KRT80: variants seen among roughly 807,000 people sequenced by gnomAD.
KRT80 encodes keratin, type II cytoskeletal 80.
Under a neutral mutation model 51.5 loss-of-function variants are expected in KRT80, and 36 were observed. That is an observed-to-expected ratio of 0.70 (90% CI 0.54 to 0.92). KRT80 has a LOEUF of 0.92. KRT80 is among the 40% of genes least tolerant of loss of function. The pLI, the probability that KRT80 is intolerant of heterozygous loss-of-function variation, is 0.00. For missense variants in KRT80, 566 were observed against 591.7 expected (o/e 0.96, Z 0.45); for synonymous variants, 235 against 248.3 (o/e 0.95, Z 0.50).
chr12:52,187,401 A>G (rs1039776822), intron 1 of KRT80, among the ~76,000 whole-genome samples: 4 of 152,022 alleles, frequency 2.6e-5, no homozygotes, highest in African/African-American at 9.7e-5. Flanking sequence ...TCACAAAGCA[A>G]CTCGGTGGCC....
chr12:52,189,675 TGGGGCCCCTTGGGGCCCTGCAACC>T (rs1565700447), intron 1 of KRT80, among the ~76,000 whole-genome samples: 1 of 152,180 alleles, frequency 6.6e-6, no homozygotes, highest in African/African-American at 2.4e-5. Context: ...AAGGGTCAGC[TGGGGCCCCTTGGGGCCCTGCAACC>T]AGGGCCCCCA....
chr12:52,190,015 C>G (rs1043554250), intron 1 of KRT80, among the ~76,000 whole-genome samples: 5 of 152,208 alleles, frequency 3.3e-5, no homozygotes, highest in African/African-American at 9.6e-5. Flanking sequence ...CAGGAGGTGG[C>G]TCTTTAGGGA....
rs1251345042 is a variant in KRT80 at position 52,191,973 on chromosome 12, G to GGCTCTGGTT, written c.-80_-72dup. ...GAGCCTGGGGTTGCGTCGGGTGGCA[G>GGCTCTGGTT]GCTCTGGTTGCTCTGGTCACAGCTG... On this transcript the variant is annotated 5_prime_UTR_variant, in exon 1 of 9. Transcript: ENST00000394815. The GGCTCTGGTT allele has an allele frequency of 7.4e-7, 1 of 1,349,314 alleles. No homozygotes were observed. The highest frequency in any genetic ancestry group is 2.9e-5 in the Admixed American group (1 of 34,528). The allele number at this position is 1,349,314 out of a possible 1,614,324, so 83.6% of individuals were successfully genotyped here.
chr12:52,190,052 C>T (rs1010831291), intron 1 of KRT80, among the ~76,000 whole-genome samples: 7 of 152,218 alleles, frequency 4.6e-5, no homozygotes, highest in African/African-American at 1.4e-4. Context: ...AGCTGGGCTG[C>T]TCTTAGAGGG....
At chr12:52,185,718 C>G in intron 1 of KRT80, 131 bp from the exon 2 acceptor site, 2 of 1,517,804 alleles carry the variant, frequency 1.3e-6, no homozygotes, top group Non-Finnish European at 1.8e-6. Context: ...CCACCCAGGG[C>G]GCTCACTCAG....
intron 4 of KRT80, among the ~76,000 whole-genome samples, chr12:52,174,432 C>A (rs1277649681): frequency 2.6e-5 from 4 of 152,248 alleles, no homozygotes; most frequent in Non-Finnish European, 5.9e-5. Context: ...ACTTCAGGGT[C>A]CCCCTGGAGA....
At position 52,181,162 on chromosome 12, in the gene KRT80, C is replaced by A. The variant is rs575328409; in HGVS notation, c.510-199G>T. 3.1e-4 allele frequency among the ~76,000 whole-genome samples: 47 copies of A among 152,212 alleles called. 1 individual carries two copies. The Middle Eastern group carries it at 0.01, about 33-fold the overall frequency. ...TCCCCCCGACCTCCTGGCATTGGCT[C>A]CCCGTTCCTCACTCCCTCCTGATGA... is the stretch of plus-strand genomic sequence containing the variant. On this transcript the variant is annotated intron_variant, in intron 2 of 8. Coordinates refer to ENST00000394815, the MANE Select transcript of KRT80 (RefSeq NM_182507.3).
intron 1 of KRT80, among the ~76,000 whole-genome samples, chr12:52,188,546 TG>T (rs1445237163): frequency 6.6e-6 from 1 of 152,204 alleles, no homozygotes; most frequent in African/African-American, 2.4e-5. Context: ...AGCCAGACAT[TG>T]GCTTTAGCCA....
chr12:52,191,806 T>C lies in KRT80; in HGVS notation c.97A>G (p.Ser33Gly). The C allele has an allele frequency of 6.2e-7, 1 of 1,606,294 alleles. No individual in the cohort carries two copies. The highest frequency in any genetic ancestry group is 8.5e-7 in the Non-Finnish European group (1 of 1,176,302). The change falls in exon 1 of 9, where the codon AGC becomes GGC. Residue 33 changes from serine to glycine, a missense_variant. Transcript: ENST00000394815. ...AAGCCCGGCCCGGGGGCCCTGCAGC[T>C]GTCCCATCCTGAGGTTCCAGGCCGG... ...SPRPGTSGWD[S>G]CRAPGPGFSS... is the part of the protein sequence containing the mutation.
At chr12:52,187,193 GA>G (rs1941420075) in intron 1 of KRT80, among the ~76,000 whole-genome samples, 2 of 152,234 alleles carry the variant, frequency 1.3e-5, no homozygotes, top group Admixed American at 6.5e-5. Context: ...AGGATGTTTT[GA>G]TAACCAGCCC....
chr12:52,181,324 C>T (rs1941317598), intron 2 of KRT80, among the ~76,000 whole-genome samples: 1 of 152,296 alleles, frequency 6.6e-6, no homozygotes, highest in Non-Finnish European at 1.5e-5. Context: ...CCTTCCCTGG[C>T]AATCTCAGGT....
chr12:52,191,711 C>T lies in KRT80; in HGVS notation c.192G>A (p.Leu64=), dbSNP rs142972633. ...TISKVTVNPG[L]LVPLDVKLDP... ...CCAACTTGACATCCAGGGGCACCAG[C>T]AGGCCGGGGTTCACAGTCACCTTGG... Residue 64 remains leucine (L), a synonymous_variant, in exon 1 of 9, where the codon CTG becomes CTA. Coordinates refer to ENST00000394815, the MANE Select transcript of KRT80 (RefSeq NM_182507.3). The T allele has an allele frequency of 1.9e-4, 305 of 1,613,872 alleles. 4 individuals carry two copies. The East Asian group carries it at 4.7e-3, about 25-fold the overall frequency.
At position 52,185,570 on chromosome 12, in the gene KRT80, C is replaced by T; in HGVS notation, c.318G>A (p.Gln106=). 6.2e-7 allele frequency: 1 copy of T among 1,609,744 alleles called. No individual in the cohort carries two copies. The part of the protein sequence containing the change: ...SLIGKVQALE[Q]RNQLLETRWS... Reference sequence around the variant, plus strand: ...AGCGTGTCTCCAGCAGCTGGTTGCGCTGTTCCAGGGCTTGCACCTGGGAGA... The same window carrying T: ...AGCGTGTCTCCAGCAGCTGGTTGCGTTGTTCCAGGGCTTGCACCTGGGAGA... Residue 106 remains glutamine, a synonymous_variant, in exon 2 of 9, where the codon CAG becomes CAA. Transcript: ENST00000394815.
chr12:52,181,012 C>T, intron 2 of KRT80, 49 bp from the exon 3 acceptor site: 1 of 1,429,512 alleles, frequency 7.0e-7, no homozygotes, highest in South Asian at 1.4e-5. Flanking sequence ...GGGGCTTGGG[C>T]CTGGTGAACT....
chr12:52,171,465 C>T lies in KRT80; in HGVS notation c.1292G>A (p.Gly431Asp). 1 of 1,612,980 alleles carries T rather than the reference C, an allele frequency of 6.2e-7. No individual in the cohort carries two copies. Among genetic ancestry groups the T allele is most frequent in the Non-Finnish European group, 8.5e-7 (1 of 1,179,522 alleles). The change falls in exon 9 of 9, where the codon GGC (glycine) becomes GAC (aspartate). Residue 431 changes from glycine (G) to aspartate (D), a missense_variant. By Grantham distance (94) the Gly-to-Asp change is moderately conservative (BLOSUM62 -1). Transcript: ENST00000394815. ...CATTTCGGTGATTTTGATCACGGGG[C>T]CTTTGCTGCCCTTCTTCTTTCGGGA... ...APSRKKKGSKGPVIKITEMSE... is the reference protein window; with the variant it reads ...APSRKKKGSKDPVIKITEMSE...
chr12:52,174,640 A>G (rs1941188224), intron 4 of KRT80, among the ~76,000 whole-genome samples: 1 of 152,238 alleles, frequency 6.6e-6, no homozygotes, highest in African/African-American at 2.4e-5. Flanking sequence ...AGAGGAGGAA[A>G]CTGAGGCATA....
intron 4 of KRT80, among the ~76,000 whole-genome samples, chr12:52,175,056 C>T (rs1941196200): frequency 6.6e-6 from 1 of 152,098 alleles, no homozygotes; most frequent in African/African-American, 2.4e-5. Flanking sequence ...CAGAGTCCAC[C>T]CTGACCCCTA....
In KRT80 at chr12:52,185,557, G is replaced by A. The variant is rs1941391853; in HGVS notation, c.331C>T (p.Leu111=). Residue 111 remains leucine (L), a synonymous_variant, in exon 2 of 9, where the codon CTG becomes TTG. Transcript: ENST00000394815. ...TGCAGGAAGCTCCAGCGTGTCTCCA[G>A]CAGCTGGTTGCGCTGTTCCAGGGCT... ...VQALEQRNQL[L]ETRWSFLQGQ... 1.2e-6 allele frequency: 2 copies of A among 1,611,136 alleles called. No homozygotes were observed. Among genetic ancestry groups the A allele is most frequent in the Non-Finnish European group, 1.7e-6 (2 of 1,180,002 alleles).
rs577733165 is a variant in KRT80 at position 52,172,161 on chromosome 12, T to A, written c.1178+37A>T. 9.3e-6 allele frequency: 15 copies of A among 1,606,498 alleles called. No individual in the cohort carries two copies. In the Admixed American group the frequency reaches 1.2e-4, roughly 13 times the overall value. On this transcript the variant is annotated intron_variant, in intron 7 of 8. Transcript: ENST00000394815. ...GTAGGCCTGGGCCTCCAGCCCTCCT[T>A]CCCCTGCAGCCCTTCCTCACCAGCC... is the stretch of plus-strand genomic sequence containing the variant.
Sources: gnomAD v4.1 joint callset for allele counts (sites outside exome capture counted in the v4.1 genomes callset) on GRCh38, gnomAD v4.1.1 for gene constraint, MANE v1.5 for transcripts, NCBI Gene and HGNC (gene_info 2026-07-23, HGNC 2026-07-21) for gene names.